Variants in NEGR1 observed in about 807,000 individuals in gnomAD.
The protein encoded by NEGR1 is IgLON family member 4.
In NEGR1, 10 loss-of-function variants were observed where a neutral mutation model predicts 40.9. That is an observed-to-expected ratio of 0.24 (90% CI 0.15 to 0.42). The LOEUF (loss-of-function observed/expected upper bound fraction) is 0.42, where lower values mean the gene tolerates loss of function less well. NEGR1 is among the 10% of genes least tolerant of loss of function. NEGR1 has a pLI of 1.00. For missense variants in NEGR1, 352 were observed against 438.9 expected, an observed-to-expected ratio of 0.80 and a Z score of 1.77; for synonymous variants, 185 against 166.8, an observed-to-expected ratio of 1.11 and a Z score of -0.84.
At chr1:71,434,322 A>T (rs1029039175) in intron 6 of NEGR1, among the ~76,000 whole-genome samples, 8 of 152,234 alleles carry the variant, frequency 5.3e-5, no homozygotes, top group African/African-American at 1.9e-4. Flanking sequence ...AGTGCTACTC[A>T]GTCCAGGGAA....
chr1:71,494,508 A>G (rs1646949266), intron 6 of NEGR1, among the ~76,000 whole-genome samples: 1 of 152,138 alleles, frequency 6.6e-6, no homozygotes, highest in South Asian at 2.1e-4. Flanking sequence ...CCATTGGCTG[A>G]GTTTTTGTAT....
intron 2 of NEGR1, among the ~76,000 whole-genome samples, chr1:71,873,174 C>T (rs67094512): frequency 0.27 from 37,770 of 142,438 alleles, 5,055 homozygotes; most frequent in East Asian, 0.51. Flanking sequence ...TTGTTTGATT[C>T]TAATAGAAAA....
At chr1:71,690,673 T>A (rs1277268425) in intron 4 of NEGR1, among the ~76,000 whole-genome samples, 1 of 74,168 alleles carries the variant, frequency 1.3e-5, no homozygotes, top group Non-Finnish European at 3.1e-5. Context: ...GAGATTGAGA[T>A]TTGCCGTTGT....
intron 4 of NEGR1, among the ~76,000 whole-genome samples, chr1:71,680,943 A>C (rs980094198): frequency 9.2e-5 from 14 of 152,242 alleles, no homozygotes; most frequent in Non-Finnish European, 2.1e-4. Context: ...AGTAAGAAAC[A>C]TTCCCACAAT....
At chr1:71,645,300 G>C (rs138212993) in intron 4 of NEGR1, among the ~76,000 whole-genome samples, 324 of 152,082 alleles carry the variant, frequency 2.1e-3, no homozygotes, top group African/African-American at 7.5e-3. Flanking sequence ...TTTGTTGACT[G>C]TTAGGTAAAT....
intron 3 of NEGR1, among the ~76,000 whole-genome samples, chr1:71,754,734 C>A (rs1655677690): frequency 6.6e-6 from 1 of 151,946 alleles, no homozygotes; most frequent in Admixed American, 6.6e-5. Context: ...CTCCATGCTG[C>A]TAAATATAAT....
At chr1:71,658,296 T>A (rs1263029251) in intron 4 of NEGR1, among the ~76,000 whole-genome samples, 9 of 151,540 alleles carry the variant, frequency 5.9e-5, no homozygotes, top group African/African-American at 2.2e-4. Context: ...AAAATTGATG[T>A]ATGATTATAT....
At chr1:71,904,721 T>G (rs536875153) in intron 2 of NEGR1, among the ~76,000 whole-genome samples, 1 of 152,268 alleles carries the variant, frequency 6.6e-6, no homozygotes, top group South Asian at 2.1e-4. Flanking sequence ...TTTATTAGAA[T>G]TTCTGCTTAT....
At chr1:71,654,356 T>G (rs1371936150) in intron 4 of NEGR1, among the ~76,000 whole-genome samples, 1 of 152,176 alleles carries the variant, frequency 6.6e-6, no homozygotes, top group South Asian at 2.1e-4. Flanking sequence ...AATGTGCCAA[T>G]ATTGTTTGAT....
chr1:71,697,612 A>T (rs1186697492), intron 4 of NEGR1, among the ~76,000 whole-genome samples: 1 of 151,840 alleles, frequency 6.6e-6, no homozygotes, highest in East Asian at 1.9e-4. Flanking sequence ...TTGAGTACAG[A>T]TGAGTATACT....
At chr1:71,764,965 T>G (rs1464161467) in intron 3 of NEGR1, among the ~76,000 whole-genome samples, 3 of 151,962 alleles carry the variant, frequency 2.0e-5, no homozygotes, top group Non-Finnish European at 4.4e-5. Context: ...AAACCAGTGA[T>G]GACCAGCTCA....
intron 1 of NEGR1, among the ~76,000 whole-genome samples, chr1:72,198,203 A>G (rs1267233063): frequency 6.6e-6 from 1 of 152,026 alleles, no homozygotes; most frequent in Non-Finnish European, 1.5e-5. Flanking sequence ...AGGAGCGTAC[A>G]TATAACTAAA....
At chr1:71,779,459 T>A (rs1171181915) in intron 2 of NEGR1, among the ~76,000 whole-genome samples, 1 of 152,228 alleles carries the variant, frequency 6.6e-6, no homozygotes, top group Non-Finnish European at 1.5e-5. Flanking sequence ...AACTTCTGGG[T>A]TTAAATCAGT....
At chr1:71,483,986 C>T (rs1646870931) in intron 6 of NEGR1, among the ~76,000 whole-genome samples, 1 of 151,578 alleles carries the variant, frequency 6.6e-6, no homozygotes, top group Non-Finnish European at 1.5e-5. Context: ...TCTGTATTCT[C>T]TGGAAAATAA....
chr1:71,866,521 C>T (rs528707263), intron 2 of NEGR1, among the ~76,000 whole-genome samples: 99 of 152,068 alleles, frequency 6.5e-4, no homozygotes, highest in Non-Finnish European at 1.0e-3. Context: ...TAAATAATGA[C>T]GTAAATATCT....
At chr1:71,744,680 A>G (rs1557636223) in intron 3 of NEGR1, among the ~76,000 whole-genome samples, 1 of 152,164 alleles carries the variant, frequency 6.6e-6, no homozygotes, top group East Asian at 1.9e-4. Flanking sequence ...CCATCTGAGA[A>G]CAAGTCAAAT....
At chr1:72,063,838 A>G (rs1309096937) in intron 1 of NEGR1, among the ~76,000 whole-genome samples, 1 of 151,734 alleles carries the variant, frequency 6.6e-6, no homozygotes, top group Admixed American at 6.6e-5. Context: ...GTGCTTGATC[A>G]CAATGGCTAT....
At chr1:71,535,856 A>G (rs1647493129) in intron 6 of NEGR1, among the ~76,000 whole-genome samples, 1 of 151,732 alleles carries the variant, frequency 6.6e-6, no homozygotes, top group African/African-American at 2.4e-5. Context: ...TGCATGGTAG[A>G]AAGCAAGTTA....
chr1:72,087,557 T>G (rs145198783), intron 1 of NEGR1, among the ~76,000 whole-genome samples: 1,605 of 151,900 alleles, frequency 0.011, 28 homozygotes, highest in African/African-American at 0.037. Flanking sequence ...ACTACAGTGA[T>G]AGAAACAACA....
Sources: allele counts gnomAD v4.1 joint callset (sites outside exome capture counted in the v4.1 genomes callset), GRCh38; gene constraint gnomAD v4.1.1; transcripts MANE v1.5; gene names NCBI Gene and HGNC (gene_info 2026-07-23, HGNC 2026-07-21).